TMEM131: variants seen among roughly 807,000 people sequenced by gnomAD.
TMEM131 encodes 2610524E03Rik.
TMEM131 carries 66 observed loss-of-function variants against 211.6 expected under a neutral mutation model. The ratio of observed to expected loss-of-function variants is 0.31; its 90% CI spans 0.26 to 0.38. The LOEUF is 0.38. Ranked by LOEUF, TMEM131 falls within the 10% of genes least tolerant of loss-of-function variation. TMEM131 has a pLI of 1.00. For missense variants in TMEM131, 2,036 were observed against 2,299.3 expected (o/e 0.89, Z 2.34); for synonymous variants, 844 against 841.3 (o/e 1.00, Z -0.06).
intron 3 of TMEM131, among the ~76,000 whole-genome samples, chr2:97,902,591 C>T (rs1055488473): frequency 4.6e-5 from 7 of 152,156 alleles, no homozygotes; most frequent in Non-Finnish European, 1.0e-4. Context: ...TACTAAGAGT[C>T]TAGAGATAAT....
intron 25 of TMEM131, among the ~76,000 whole-genome samples, chr2:97,798,695 G>GT (rs1680885493): frequency 6.6e-6 from 1 of 152,202 alleles, no homozygotes; most frequent in Non-Finnish European, 1.5e-5. Context: ...CCTGAAAACT[G>GT]TATTTTCCAT....
At chr2:97,902,469 A>C (rs1675896144) in intron 3 of TMEM131, among the ~76,000 whole-genome samples, 1 of 152,186 alleles carries the variant, frequency 6.6e-6, no homozygotes, top group African/African-American at 2.4e-5. Context: ...TTGTATCAAA[A>C]TTGGAGGCAT....
In TMEM131 at chr2:97,782,161, C is replaced by T. The variant is rs78449025; in HGVS notation, c.4145-6143G>A. ...CCACTGAGGTGGTGACAGAGGAGGCCGAGTGGACAGTCAGGACTTCTACCA... is the reference window on the plus strand; with the variant it reads ...CCACTGAGGTGGTGACAGAGGAGGCTGAGTGGACAGTCAGGACTTCTACCA... On this transcript the variant is annotated intron_variant, in intron 31 of 40. Coordinates refer to ENST00000186436, the MANE Select transcript of TMEM131 (RefSeq NM_015348.2). Among the ~76,000 whole-genome samples, 29 of 152,298 alleles carry T rather than the reference C, an allele frequency of 1.9e-4. No individual in the cohort carries two copies. In the East Asian group the frequency reaches 3.7e-3, roughly 19 times the overall value.
intron 1 of TMEM131, among the ~76,000 whole-genome samples, chr2:97,944,134 A>T (rs895652496): frequency 3.9e-5 from 6 of 152,130 alleles, no homozygotes; most frequent in Admixed American, 3.9e-4. Flanking sequence ...TAGATCAAAC[A>T]GAATAGAACT....
chr2:97,866,328 C>G (rs966214104), intron 4 of TMEM131, among the ~76,000 whole-genome samples: 6 of 152,212 alleles, frequency 3.9e-5, no homozygotes, highest in Non-Finnish European at 7.3e-5. Context: ...AATTAGCATA[C>G]AGTTGTTCAT....
At chr2:97,897,628 C>T (rs1288610880) in intron 3 of TMEM131, among the ~76,000 whole-genome samples, 3 of 152,058 alleles carry the variant, frequency 2.0e-5, no homozygotes, top group African/African-American at 7.2e-5. Flanking sequence ...CCTGTTATCA[C>T]GTTTCTGGAT....
chr2:97,954,173 A>G (rs1236585680), intron 1 of TMEM131, among the ~76,000 whole-genome samples: 1 of 152,160 alleles, frequency 6.6e-6, no homozygotes, highest in Non-Finnish European at 1.5e-5. Flanking sequence ...AAGAGCAGAA[A>G]CCAATGAAAT....
intron 1 of TMEM131, among the ~76,000 whole-genome samples, chr2:97,949,101 A>C (rs1337468292): frequency 2.0e-5 from 3 of 152,188 alleles, no homozygotes; most frequent in Non-Finnish European, 2.9e-5. Context: ...AATAGTTCAA[A>C]AGAGGAAACA....
At chr2:97,953,291 T>C (rs1261493250) in intron 1 of TMEM131, among the ~76,000 whole-genome samples, 1 of 152,162 alleles carries the variant, frequency 6.6e-6, no homozygotes, top group Non-Finnish European at 1.5e-5. Context: ...CCCAACTACA[T>C]ACCGTCTAAT....
intron 2 of TMEM131, among the ~76,000 whole-genome samples, chr2:97,921,777 C>A (rs1028061045): frequency 2.0e-5 from 3 of 151,970 alleles, no homozygotes. Context: ...AGGAAGATAT[C>A]CAAATGGTCA....
At chr2:97,974,047 G>A (rs1473064572) in intron 1 of TMEM131, among the ~76,000 whole-genome samples, 1 of 152,136 alleles carries the variant, frequency 6.6e-6, no homozygotes, top group Non-Finnish European at 1.5e-5. Flanking sequence ...ATAATCCATT[G>A]AAACCAACCT....
chr2:97,879,218 G>C (rs1483053395), intron 4 of TMEM131, among the ~76,000 whole-genome samples: 1 of 152,186 alleles, frequency 6.6e-6, no homozygotes, highest in East Asian at 1.9e-4. Context: ...TCTTCCCACT[G>C]CTGTAGGGAA....
At chr2:97,802,093 T>G (rs1681062788) in intron 24 of TMEM131, 132 bp from the exon 25 acceptor site, 1 of 559,092 alleles carries the variant, frequency 1.8e-6, no homozygotes, top group South Asian at 3.5e-5. Flanking sequence ...ATGACCAGAT[T>G]TATAGCCTTA....
chr2:97,995,478 TC>T lies in TMEM131; in HGVS notation c.184del (p.Glu62LysfsTer9). ...GGACGCCGCCGGGGGACACCCACCT[TC>T]CTTCTCGGCCCGCGCCGCAGCCACT... ...LVVAAARAEK[E>X]AFVQSESIIE... On this transcript the variant is annotated frameshift_variant, in exon 1 of 41. Coordinates refer to ENST00000186436, the MANE Select transcript of TMEM131 (RefSeq NM_015348.2). LOFTEE classifies it high-confidence loss of function. 1 of 1,403,922 alleles carries T rather than the reference TC, an allele frequency of 7.1e-7. No individual in the cohort carries two copies. Among genetic ancestry groups the T allele is most frequent in the Admixed American group, 2.9e-5 (1 of 34,290 alleles). 87.0% of individuals were successfully genotyped at this position (1,403,922 alleles called of 1,614,324 possible).
intron 33 of TMEM131, among the ~76,000 whole-genome samples, chr2:97,771,327 T>G (rs1679453214): frequency 6.6e-6 from 1 of 152,222 alleles, no homozygotes; most frequent in Non-Finnish European, 1.5e-5. Context: ...TACTAGCTTT[T>G]GGGTTCTATA....
At chr2:97,948,278 A>T (rs1678138758) in intron 1 of TMEM131, among the ~76,000 whole-genome samples, 1 of 152,232 alleles carries the variant, frequency 6.6e-6, no homozygotes, top group African/African-American at 2.4e-5. Flanking sequence ...CAGACTGGAA[A>T]TAATATTTGC....
intron 32 of TMEM131, among the ~76,000 whole-genome samples, chr2:97,774,921 G>T (rs749895397): frequency 6.6e-5 from 10 of 152,100 alleles, no homozygotes; most frequent in Admixed American, 2.6e-4. Flanking sequence ...CAAAGGGAAA[G>T]GTGGCTAACT....
intron 11 of TMEM131, among the ~76,000 whole-genome samples, chr2:97,819,932 C>A (rs538867686): frequency 6.6e-6 from 1 of 152,332 alleles, no homozygotes; most frequent in East Asian, 1.9e-4. Context: ...GTGCGATAAG[C>A]ACCTGAGAAG....
At chr2:97,867,680 G>A (rs72942852) in intron 4 of TMEM131, among the ~76,000 whole-genome samples, 1,574 of 152,262 alleles carry the variant, frequency 0.01, 34 homozygotes, top group African/African-American at 0.036. Flanking sequence ...TGGGGTGGGT[G>A]AAGAGAGACC....
Sources: allele counts gnomAD v4.1 joint callset (sites outside exome capture counted in the v4.1 genomes callset), GRCh38; gene constraint gnomAD v4.1.1; transcripts MANE v1.5; gene names NCBI Gene and HGNC (gene_info 2026-07-23, HGNC 2026-07-21).